Variants in RBMS3 observed in about 807,000 individuals in gnomAD.
RBMS3 encodes RNA binding motif single stranded interacting protein 3, also known as RNA-binding motif, single-stranded-interacting protein 3.
A neutral mutation model predicts 66.8 loss-of-function variants in RBMS3; 27 were observed. The ratio of observed to expected loss-of-function variants is 0.40; its 90% CI spans 0.30 to 0.56. The LOEUF (loss-of-function observed/expected upper bound fraction) is 0.56. Ranked by LOEUF, RBMS3 falls within the 20% of genes least tolerant of loss-of-function variation. The pLI, the probability that RBMS3 is intolerant of heterozygous loss-of-function variation, is 0.40. For synonymous variants in RBMS3, 188 were observed against 183.0 expected, an observed-to-expected ratio of 1.03 and a Z score of -0.22; for missense variants, 513 against 549.5, an observed-to-expected ratio of 0.93 and a Z score of 0.66.
At chr3:29,390,335 A>G (rs972923181) in intron 1 of RBMS3, among the ~76,000 whole-genome samples, 2 of 152,162 alleles carry the variant, frequency 1.3e-5, no homozygotes, top group African/African-American at 4.8e-5. Flanking sequence ...TGTATTTACC[A>G]AAAAAAGTTC....
intron 1 of RBMS3, among the ~76,000 whole-genome samples, chr3:29,286,014 T>G (rs978610789): frequency 3.3e-5 from 5 of 152,182 alleles, no homozygotes; most frequent in African/African-American, 1.2e-4. Context: ...AGTTGGTAAC[T>G]TGCCAGTTGT....
chr3:29,677,890 G>A (rs1402058325), intron 4 of RBMS3, among the ~76,000 whole-genome samples: 1 of 152,136 alleles, frequency 6.6e-6, no homozygotes, highest in Non-Finnish European at 1.5e-5. Context: ...CTAGGATTCT[G>A]TCACATACCA....
chr3:29,473,570 G>A (rs1424997548), intron 2 of RBMS3, among the ~76,000 whole-genome samples: 5 of 152,204 alleles, frequency 3.3e-5, no homozygotes, highest in African/African-American at 1.2e-4. Context: ...CGCTCGTTGG[G>A]GAGGCTCGGG....
At chr3:29,464,246 T>C (rs898234482) in intron 2 of RBMS3, among the ~76,000 whole-genome samples, 4 of 151,800 alleles carry the variant, frequency 2.6e-5, no homozygotes, top group African/African-American at 9.7e-5. Context: ...GACTGGGAGG[T>C]AGGAGGCAAG....
At chr3:29,420,543 G>A (rs2040668162) in intron 1 of RBMS3, among the ~76,000 whole-genome samples, 1 of 144,080 alleles carries the variant, frequency 6.9e-6, no homozygotes, top group African/African-American at 2.6e-5. Context: ...GTAAAAATCA[G>A]TGGTGTACTT....
At chr3:29,357,355 A>G (rs1474983120) in intron 1 of RBMS3, among the ~76,000 whole-genome samples, 1 of 152,166 alleles carries the variant, frequency 6.6e-6, no homozygotes, top group South Asian at 2.1e-4. Context: ...AGCTTCATCC[A>G]TGTCCCTACA....
At chr3:29,742,623 A>G (rs1178928211) in intron 5 of RBMS3, among the ~76,000 whole-genome samples, 1 of 152,222 alleles carries the variant, frequency 6.6e-6, no homozygotes, top group Non-Finnish European at 1.5e-5. Context: ...TATAGCTCCT[A>G]TAAAAGTTTT....
intron 6 of RBMS3, among the ~76,000 whole-genome samples, chr3:29,808,131 A>G (rs1325901100): frequency 6.6e-6 from 1 of 151,780 alleles, no homozygotes. Flanking sequence ...TTCAGTTATC[A>G]CCATGCTTCA....
chr3:29,308,856 C>G (rs1286197440), intron 1 of RBMS3, among the ~76,000 whole-genome samples: 2 of 148,282 alleles, frequency 1.3e-5, no homozygotes, highest in Non-Finnish European at 3.0e-5. Context: ...ACCTTGAATG[C>G]CATGGTAAGG....
intron 1 of RBMS3, among the ~76,000 whole-genome samples, chr3:29,374,446 C>T (rs2038362489): frequency 6.6e-6 from 1 of 152,160 alleles, no homozygotes; most frequent in Non-Finnish European, 1.5e-5. Context: ...TTAGTGATGG[C>T]TTGAAAGCAA....
intron 1 of RBMS3, among the ~76,000 whole-genome samples, chr3:29,293,693 T>G (rs537100677): frequency 2.6e-5 from 4 of 151,822 alleles, no homozygotes; most frequent in African/African-American, 9.6e-5. Flanking sequence ...CTTTCCCAGA[T>G]TGTCCTTCCT....
chr3:29,927,437 T>C (rs917663487), intron 10 of RBMS3, among the ~76,000 whole-genome samples: 1 of 152,058 alleles, frequency 6.6e-6, no homozygotes, highest in Non-Finnish European at 1.5e-5. Flanking sequence ...AAAAGAAATA[T>C]ATAAGGTATT....
intron 4 of RBMS3, among the ~76,000 whole-genome samples, chr3:29,637,697 T>A (rs1314990865): frequency 6.6e-6 from 1 of 151,912 alleles, no homozygotes; most frequent in Non-Finnish European, 1.5e-5. Flanking sequence ...AGTTTAGTAA[T>A]GTATTAACTT....
chr3:29,609,227 A>G lies in RBMS3; in HGVS notation c.399+22022A>G, dbSNP rs145555215. On this transcript the variant is annotated intron_variant, in intron 4 of 14. Coordinates refer to ENST00000383767, the MANE Select transcript of RBMS3 (RefSeq NM_001003793.3). ...TTTCTTCTGAGACAGGTTAACGAAC[A>G]CTTTAAGTGAAGATGACACTTAATG... Among the ~76,000 whole-genome samples, 200 of 152,162 alleles carry G rather than the reference A, an allele frequency of 1.3e-3. 2 individuals carry two copies. The highest frequency in any genetic ancestry group is 4.7e-3 in the African/African-American group (197 of 41,552).
chr3:29,903,930 A>T (rs1014012030), intron 10 of RBMS3, among the ~76,000 whole-genome samples: 3 of 151,968 alleles, frequency 2.0e-5, no homozygotes, highest in African/African-American at 7.2e-5. Context: ...AGAAAATATA[A>T]ACTTCTTCTT....
chr3:29,654,129 C>T (rs962942749), intron 4 of RBMS3, among the ~76,000 whole-genome samples: 7 of 152,116 alleles, frequency 4.6e-5, no homozygotes, highest in African/African-American at 9.7e-5. Context: ...TCTTTTTTAA[C>T]AGCTGCCTCT....
rs551507587 is a variant in RBMS3, at chr3:29,371,027, A to G, written c.76-63716A>G. 2.6e-5 allele frequency among the ~76,000 whole-genome samples: 4 copies of G among 152,270 alleles called. No individual in the cohort carries two copies. The South Asian group carries it at 6.2e-4, about 24-fold the overall frequency. Reference sequence around the variant, plus strand: ...CATGATTGCTAATGTCATTTTCATGATTTTATTTTTAAGCGATCTTTGTTT... The same window carrying G: ...CATGATTGCTAATGTCATTTTCATGGTTTTATTTTTAAGCGATCTTTGTTT... On this transcript the variant is annotated intron_variant, in intron 1 of 14. Transcript: ENST00000383767.
chr3:29,930,772 CT>C (rs1319730914), intron 10 of RBMS3, among the ~76,000 whole-genome samples: 2 of 151,534 alleles, frequency 1.3e-5, no homozygotes, highest in African/African-American at 2.4e-5. Context: ...ATTAGTCAAA[CT>C]TTTTTCATCA....
At chr3:29,431,839 C>T (rs566587204) in intron 1 of RBMS3, among the ~76,000 whole-genome samples, 99 of 152,224 alleles carry the variant, frequency 6.5e-4, no homozygotes, top group African/African-American at 2.2e-3. Context: ...GAACCTCCCA[C>T]CTCGGCCTCC....
Sources: gnomAD v4.1 joint callset for allele counts (sites outside exome capture counted in the v4.1 genomes callset) on GRCh38, gnomAD v4.1.1 for gene constraint, MANE v1.5 for transcripts, NCBI Gene and HGNC (gene_info 2026-07-23, HGNC 2026-07-21) for gene names.